The following DNASE1L3 variants were observed in gnomAD, a reference collection of about 807,000 sequenced individuals.
The protein encoded by DNASE1L3 is deoxyribonuclease 1L3.
Under a neutral mutation model 30.9 loss-of-function variants are expected in DNASE1L3, and 27 were observed. The observed-to-expected ratio is 0.87, with a 90% confidence interval of 0.64 to 1.20. DNASE1L3 has a LOEUF of 1.20. DNASE1L3 is among the 50% of genes most tolerant of loss of function. The pLI, the probability that DNASE1L3 is intolerant of heterozygous loss-of-function variation, is 0.00. For synonymous variants in DNASE1L3, 135 were observed against 138.0 expected (o/e 0.98, Z 0.15); for missense variants, 364 against 378.2 (o/e 0.96, Z 0.31).
intron 2 of DNASE1L3, chr3:58,207,692 T>C (rs67622929): frequency 0.24 from 36,619 of 152,212 alleles, 5,136 homozygotes; most frequent in East Asian, 0.63. Flanking sequence ...GATAGGGTCT[T>C]GCTCTGTGGC....
rs2097397928 is a variant in DNASE1L3, at chr3:58,197,136, T to C, written c.704+685A>G. Reference sequence around the variant, plus strand: ...ACTTGCCGTATGCCAGGCATTGTGCTAGCAGCCTGACATGTTATTTCATTT... The same window carrying C: ...ACTTGCCGTATGCCAGGCATTGTGCCAGCAGCCTGACATGTTATTTCATTT... On this transcript the variant is annotated intron_variant, in intron 6 of 7. Coordinates refer to ENST00000394549, the MANE Select transcript of DNASE1L3 (RefSeq NM_004944.4). This position sits in a 1 kb window ranked among gnomAD's most constrained non-coding sequence, Gnocchi z 5.3. 6.6e-6 allele frequency among the ~76,000 whole-genome samples: 1 copy of C among 152,244 alleles called. No homozygotes were observed. Among genetic ancestry groups the C allele is most frequent in the Admixed American group, 6.5e-5 (1 of 15,294 alleles).
chr3:58,196,316 G>C (rs1291470708), intron 6 of DNASE1L3, among the ~76,000 whole-genome samples: 1 of 151,694 alleles, frequency 6.6e-6, no homozygotes, highest in Non-Finnish European at 1.5e-5. Context: ...AGGCCGAGGC[G>C]GGCGGATCAC....
intron 5 of DNASE1L3, 143 bp from the exon 6 acceptor site, chr3:58,198,121 C>T (rs1277196892): frequency 1.4e-5 from 13 of 926,422 alleles, no homozygotes; most frequent in Admixed American, 3.0e-5. Context: ...CCCCTGCTCC[C>T]GCCCCGGCCA....
In DNASE1L3 at chr3:58,192,491, C is replaced by T; in HGVS notation, c.*196G>A. 1 of 482,958 alleles carries T rather than the reference C, an allele frequency of 2.1e-6. No individual in the cohort carries two copies. The highest frequency in any genetic ancestry group is 3.5e-6 in the Non-Finnish European group (1 of 285,474). 29.9% of individuals were successfully genotyped at this position (482,958 alleles called of 1,614,324 possible). On this transcript the variant is annotated 3_prime_UTR_variant, in exon 8 of 8. Coordinates refer to ENST00000394549, the MANE Select transcript of DNASE1L3 (RefSeq NM_004944.4). The surrounding 1 kb of genome is among the most constrained non-coding windows in gnomAD (Gnocchi z 4.8). ...CAAATGCCCCTGGTTCCCTTTTAGACAATTCAGGGGAGGTATGAGACCAAG... is the reference window on the plus strand; with the variant it reads ...CAAATGCCCCTGGTTCCCTTTTAGATAATTCAGGGGAGGTATGAGACCAAG...
chr3:58,203,400 G>A (rs777042022), intron 4 of DNASE1L3, among the ~76,000 whole-genome samples: 9 of 152,184 alleles, frequency 5.9e-5, no homozygotes, highest in East Asian at 1.9e-4. Flanking sequence ...ACAGCCCAAT[G>A]TCACCTCCTC....
At position 58,210,885 on chromosome 3, in the gene DNASE1L3, G is replaced by GT. The variant is rs780932233; in HGVS notation, c.21dup (p.Leu8ThrfsTer46). 1 of 1,614,008 alleles carries GT rather than the reference G, an allele frequency of 6.2e-7. No individual in the cohort carries two copies. Among genetic ancestry groups the GT allele is most frequent in the South Asian group, 1.1e-5 (1 of 91,076 alleles). ...TGGATGGAGAGGAGGAGAAGCAGCA[G>GT]TGGGGCCAGCTCCCGTGACATCCTG... On this transcript the variant is annotated frameshift_variant, in exon 1 of 8. Coordinates refer to ENST00000394549, the MANE Select transcript of DNASE1L3 (RefSeq NM_004944.4). LOFTEE classifies it high-confidence loss of function.
rs775838620 is a variant in DNASE1L3, at chr3:58,201,125, G to A, written c.434-16C>T. The A allele has an allele frequency of 2.5e-6, 4 of 1,598,280 alleles. No homozygotes were observed. ...TCTTTGACAGCTGAGAAACAGGAAA[G>A]AGGCGGGGGTCACACACTTCCCCTG... On this transcript the variant is annotated splice_polypyrimidine_tract_variant and intron_variant, in intron 4 of 7. Coordinates refer to ENST00000394549, the MANE Select transcript of DNASE1L3 (RefSeq NM_004944.4).
chr3:58,199,373 C>G (rs1216875311), intron 5 of DNASE1L3, among the ~76,000 whole-genome samples: 4 of 152,146 alleles, frequency 2.6e-5, no homozygotes, highest in African/African-American at 9.7e-5. Flanking sequence ...ATGGTGAAGT[C>G]AAGAATCACA....
rs763255091 is a variant in DNASE1L3, at chr3:58,201,045, A to G, written c.498T>C (p.Asp166=). The G allele has an allele frequency of 1.2e-6, 2 of 1,611,746 alleles. No homozygotes were observed. Among genetic ancestry groups the G allele is most frequent in the South Asian group, 2.2e-5 (2 of 90,764 alleles). Residue 166 remains aspartate, a synonymous_variant, in exon 5 of 8, where the codon GAT becomes GAC. Coordinates refer to ENST00000394549, the MANE Select transcript of DNASE1L3 (RefSeq NM_004944.4). ...TTPETSVKEI[D]ELVEVYTDVK... ...CGTCCGTGTAGACCTCAACCAACTCATCGATCTCCTTAACGGATGTCTCTG... is the reference window on the plus strand; with the variant it reads ...CGTCCGTGTAGACCTCAACCAACTCGTCGATCTCCTTAACGGATGTCTCTG...
chr3:58,203,067 G>A (rs753639570), intron 4 of DNASE1L3, among the ~76,000 whole-genome samples: 7 of 152,096 alleles, frequency 4.6e-5, no homozygotes, highest in African/African-American at 1.4e-4. Context: ...AGCAGCTGTC[G>A]CCTTCTGAGC....
chr3:58,202,861 A>AG (rs1412998582), intron 4 of DNASE1L3, among the ~76,000 whole-genome samples: 1 of 152,146 alleles, frequency 6.6e-6, no homozygotes, highest in East Asian at 1.9e-4. Flanking sequence ...CTAAAAAAAA[A>AG]AAAATGAGGC....
rs2097399728 is a variant in DNASE1L3, at chr3:58,200,158, G to A, written c.546+839C>T. ...CCCTTCTGTGAAAACAGCACCCCAAGTTCCTTTGGGAGACCACCCATCCCT... is the reference window on the plus strand; with the variant it reads ...CCCTTCTGTGAAAACAGCACCCCAAATTCCTTTGGGAGACCACCCATCCCT... On this transcript the variant is annotated intron_variant, in intron 5 of 7. Transcript: ENST00000394549. This position sits in a 1 kb window ranked among gnomAD's most constrained non-coding sequence, Gnocchi z 4.2. Among the ~76,000 whole-genome samples, 1 of 152,124 alleles carries A rather than the reference G, an allele frequency of 6.6e-6. No homozygotes were observed. The highest frequency in any genetic ancestry group is 6.5e-5 in the Admixed American group (1 of 15,272).
chr3:58,193,574 G>T (rs1325967146), intron 6 of DNASE1L3, 135 bp from the exon 7 acceptor site: 1 of 696,790 alleles, frequency 1.4e-6, no homozygotes, highest in Non-Finnish European at 2.4e-6. Context: ...TCCAGAGCTG[G>T]TTTTAGCCTG....
At position 58,201,626 on chromosome 3, in the gene DNASE1L3, C is replaced by T. The variant is rs375974815; in HGVS notation, c.434-517G>A. Reference sequence around the variant, plus strand: ...ACATTCCAGCTCACAGCCTTTGCCCCTTCCCTATTTGGCATAAGCAACTTC... The same window carrying T: ...ACATTCCAGCTCACAGCCTTTGCCCTTTCCCTATTTGGCATAAGCAACTTC... On this transcript the variant is annotated intron_variant, in intron 4 of 7. Coordinates refer to ENST00000394549, the MANE Select transcript of DNASE1L3 (RefSeq NM_004944.4). Among the ~76,000 whole-genome samples, 53 of 152,320 alleles carry T rather than the reference C, an allele frequency of 3.5e-4. No homozygotes were observed. The South Asian group carries it at 3.9e-3, about 11-fold the overall frequency.
In DNASE1L3 at chr3:58,210,719, A is replaced by G. The variant is rs200342163; in HGVS notation, c.141+47T>C. ...CTCTTAAAGTCTGCAGACAGGAGAGAGGGTGTGAGGGGTGTCTGGGATCCT... is the reference window on the plus strand; with the variant it reads ...CTCTTAAAGTCTGCAGACAGGAGAGGGGGTGTGAGGGGTGTCTGGGATCCT... On this transcript the variant is annotated intron_variant, in intron 1 of 7. Coordinates refer to ENST00000394549, the MANE Select transcript of DNASE1L3 (RefSeq NM_004944.4). 1.2e-4 allele frequency: 187 copies of G among 1,612,608 alleles called. 1 individual carries two copies. In the East Asian group the frequency reaches 3.8e-3, roughly 33 times the overall value.
chr3:58,199,674 A>G (rs759981298), intron 5 of DNASE1L3, among the ~76,000 whole-genome samples: 11,061 of 151,938 alleles, frequency 0.073, 464 homozygotes, highest in Middle Eastern at 0.12. Flanking sequence ...AAGAAAAAAA[A>G]AAAAAAAGAA....
rs1252207558 is a variant in DNASE1L3, at chr3:58,200,358, T to C, written c.546+639A>G. ...TGCCTTGTGGGAAAGAAAATTTATT[T>C]TGGTCTGGAGGCTGCTGGTGGCTGT... On this transcript the variant is annotated intron_variant, in intron 5 of 7. Coordinates refer to ENST00000394549, the MANE Select transcript of DNASE1L3 (RefSeq NM_004944.4). This position sits in a 1 kb window ranked among gnomAD's most constrained non-coding sequence, Gnocchi z 4.2. 6.6e-6 allele frequency among the ~76,000 whole-genome samples: 1 copy of C among 152,120 alleles called. No homozygotes were observed. The highest frequency in any genetic ancestry group is 2.4e-5 in the African/African-American group (1 of 41,404).
chr3:58,202,317 G>GTTTTTTTTTTTTTTTTTTTTTTTTT (rs1171213238), intron 4 of DNASE1L3, among the ~76,000 whole-genome samples: 1 of 48,828 alleles, frequency 2.0e-5, no homozygotes, highest in Non-Finnish European at 3.5e-5. Context: ...GGCTAGCTTT[G>GTTTTTTTTTTTTTTTTTTTTTTTTT]TTTTTTTTTT....
In DNASE1L3 at chr3:58,192,850, G is replaced by C; in HGVS notation, c.802-47C>G. The stretch of plus-strand genomic sequence containing the variant: ...AGACATGGAAATTAGGAGATGCCTG[G>C]GAGATGCTTTCATTTTAGCGATGAG... On this transcript the variant is annotated intron_variant, in intron 7 of 7. Coordinates refer to ENST00000394549, the MANE Select transcript of DNASE1L3 (RefSeq NM_004944.4). The surrounding 1 kb of genome is among the most constrained non-coding windows in gnomAD (Gnocchi z 4.8). The C allele has an allele frequency of 6.3e-7, 1 of 1,594,886 alleles. No individual in the cohort carries two copies. Among genetic ancestry groups the C allele is most frequent in the Non-Finnish European group, 8.5e-7 (1 of 1,174,014 alleles).
Sources: allele counts gnomAD v4.1 joint callset (sites outside exome capture counted in the v4.1 genomes callset), GRCh38; gene constraint gnomAD v4.1.1; non-coding constraint Gnocchi (gnomAD v3.1); transcripts MANE v1.5; gene names NCBI Gene and HGNC (gene_info 2026-07-23, HGNC 2026-07-21).